Variants in FAM53A observed in about 807,000 individuals in gnomAD.
FAM53A encodes protein FAM53A.
Under a neutral mutation model 26.6 loss-of-function variants are expected in FAM53A, and 28 were observed. That is an observed-to-expected ratio of 1.05 (90% CI 0.78 to 1.45). The LOEUF (loss-of-function observed/expected upper bound fraction) is 1.45. Among genes scored for constraint, FAM53A ranks in the 40% most tolerant of loss-of-function variants. The pLI is 0.00. For missense variants in FAM53A, 650 were observed against 575.8 expected (o/e 1.13, Z -1.32); for synonymous variants, 290 against 253.1 (o/e 1.15, Z -1.38).
At chr4:1,674,322 G>T (rs1196236578) in intron 1 of FAM53A, among the ~76,000 whole-genome samples, 1 of 152,152 alleles carries the variant, frequency 6.6e-6, no homozygotes. Flanking sequence ...GGACACCAAT[G>T]ATTGGGTTAG....
chr4:1,652,776 C>T (rs919913188), intron 4 of FAM53A, among the ~76,000 whole-genome samples: 1 of 148,206 alleles, frequency 6.7e-6, no homozygotes, highest in African/African-American at 2.5e-5. Context: ...ACACACCACA[C>T]AGCACACACC....
At chr4:1,629,836 C>G (rs1715532661) in intron 1 of FAM53A, among the ~76,000 whole-genome samples, 1 of 152,156 alleles carries the variant, frequency 6.6e-6, no homozygotes, top group Admixed American at 6.5e-5. Flanking sequence ...GGCCCACCCA[C>G]AGCTCATCTC....
At chr4:1,596,204 G>A in the FAM53A span, among the ~76,000 whole-genome samples, 1 of 152,224 alleles carries the variant, frequency 6.6e-6, no homozygotes, top group African/African-American at 2.4e-5. Flanking sequence ...TCTGGTGGGG[G>A]CTGAGTTCTG....
chr4:1,623,396 C>T (rs960452842), intron 1 of FAM53A, among the ~76,000 whole-genome samples: 8 of 150,574 alleles, frequency 5.3e-5, no homozygotes, highest in African/African-American at 1.0e-4. Context: ...GTTGCGTTTC[C>T]GGCCCCCGAG....
chr4:1,674,802 C>T (rs1051961324), intron 1 of FAM53A, among the ~76,000 whole-genome samples: 36 of 152,318 alleles, frequency 2.4e-4, no homozygotes, highest in African/African-American at 8.7e-4. Context: ...ATGTCAGGCC[C>T]GTCTCCCCTT....
At chr4:1,613,795 T>C (rs1714710000), downstream of FAM53A, among the ~76,000 whole-genome samples, 1 of 152,220 alleles carries the variant, frequency 6.6e-6, no homozygotes, top group African/African-American at 2.4e-5. Flanking sequence ...TTGGAAATGC[T>C]TTTCATAAAG....
At chr4:1,656,324 A>G (rs1713377750) in intron 3 of FAM53A, among the ~76,000 whole-genome samples, 1 of 152,156 alleles carries the variant, frequency 6.6e-6, no homozygotes, top group African/African-American at 2.4e-5. Flanking sequence ...TCCCCAGCCC[A>G]CTGCCTGCTG....
At chr4:1,578,932 G>A in the FAM53A span, among the ~76,000 whole-genome samples, 1 of 131,852 alleles carries the variant, frequency 7.6e-6, no homozygotes, top group Non-Finnish European at 1.7e-5. Flanking sequence ...GAGAGAAGAG[G>A]GGGAGGAGAG....
intron 4 of FAM53A, among the ~76,000 whole-genome samples, chr4:1,643,473 T>A (rs1711944127): frequency 6.6e-6 from 1 of 151,386 alleles, no homozygotes; most frequent in Middle Eastern, 3.4e-3. Context: ...CTCAAAAAAA[T>A]AAATAAATAG....
At chr4:1,599,184 C>T in the FAM53A span, among the ~76,000 whole-genome samples, 1 of 148,048 alleles carries the variant, frequency 6.8e-6, no homozygotes, top group Non-Finnish European at 1.5e-5. This position sits in a 1 kb window ranked among gnomAD's most constrained non-coding sequence, Gnocchi z 6.1. Context: ...TCCAACCCCG[C>T]CCGGGACTTC....
chr4:1,648,705 C>G (rs1465499913), intron 4 of FAM53A, among the ~76,000 whole-genome samples: 1 of 152,218 alleles, frequency 6.6e-6, no homozygotes, highest in Non-Finnish European at 1.5e-5. Context: ...ACCTGGCCCC[C>G]ACATGAAGCA....
intron 2 of FAM53A, among the ~76,000 whole-genome samples, chr4:1,658,766 C>T (rs992502657): frequency 2.6e-5 from 4 of 152,342 alleles, no homozygotes; most frequent in Admixed American, 2.6e-4. Context: ...GGACACAGGG[C>T]CCTGCAGAGG....
At position 1,655,116 on chromosome 4, in the gene FAM53A, C is replaced by T. The variant is rs752592646; in HGVS notation, c.744G>A (p.Ala248=). The change falls in exon 4 of 5, where the codon GCG becomes GCA. Residue 248 remains alanine (A), a synonymous_variant. Coordinates refer to ENST00000308132, the MANE Select transcript of FAM53A (RefSeq NM_001174070.3). ...WASSSPTSTP[A]LGGRRGLLRC... is the part of the protein sequence containing the mutation. ...GGAGCAGCCCACGGCGCCCGCCCAG[C>T]GCAGGCGTGGACGTGGGGCTGCTGC... The T allele has an allele frequency of 8.8e-6, 14 of 1,598,212 alleles. No homozygotes were observed. Among genetic ancestry groups the T allele is most frequent in the South Asian group, 3.3e-5 (3 of 89,628 alleles).
the FAM53A span, among the ~76,000 whole-genome samples, chr4:1,589,833 G>A: frequency 6.6e-6 from 1 of 151,778 alleles, no homozygotes; most frequent in African/African-American, 2.4e-5. Context: ...ATATTTACAA[G>A]GTCCAGTTTT....
chr4:1,576,437 G>A, the FAM53A span, among the ~76,000 whole-genome samples: 5 of 152,230 alleles, frequency 3.3e-5, no homozygotes, highest in African/African-American at 7.2e-5. Context: ...GCACAGCGAC[G>A]TGTCCTGATA....
At chr4:1,586,175 T>C in the FAM53A span, among the ~76,000 whole-genome samples, 1 of 152,100 alleles carries the variant, frequency 6.6e-6, no homozygotes, top group Non-Finnish European at 1.5e-5. Flanking sequence ...GGCGTGCAGG[T>C]CTCTCTTGGT....
At chr4:1,627,304 T>C (rs773180021) in intron 1 of FAM53A, among the ~76,000 whole-genome samples, 1 of 152,220 alleles carries the variant, frequency 6.6e-6, no homozygotes, top group Non-Finnish European at 1.5e-5. Context: ...GCTGAGGCCA[T>C]GGTGGCCGCT....
chr4:1,674,566 G>A (rs1714902145), intron 1 of FAM53A, among the ~76,000 whole-genome samples: 1 of 151,984 alleles, frequency 6.6e-6, no homozygotes, highest in African/African-American at 2.4e-5. Context: ...CTACTTGGGA[G>A]GCTGAGGCAG....
At chr4:1,632,222 G>A (rs929170265) in intron 1 of FAM53A, among the ~76,000 whole-genome samples, 5 of 151,814 alleles carry the variant, frequency 3.3e-5, no homozygotes, top group African/African-American at 1.2e-4. Flanking sequence ...AGGTAGTTAG[G>A]GTTAAATAAG....
Sources: gnomAD v4.1 joint callset for allele counts (sites outside exome capture counted in the v4.1 genomes callset) on GRCh38, gnomAD v4.1.1 for gene constraint, Gnocchi (gnomAD v3.1) non-coding constraint, MANE v1.5 for transcripts, NCBI Gene and HGNC (gene_info 2026-07-23, HGNC 2026-07-21) for gene names.